The following VPS13A variants were observed in gnomAD, a reference collection of about 807,000 sequenced individuals.
VPS13A encodes vacuolar protein sorting 13 homolog A, also known as intermembrane lipid transfer protein VPS13A.
A neutral mutation model predicts 390.9 loss-of-function variants in VPS13A; 264 were observed. The observed-to-expected ratio is 0.68, with a 90% CI of 0.61 to 0.75. The LOEUF is 0.75. Ranked by LOEUF, VPS13A falls within the 30% of genes least tolerant of loss-of-function variation. The pLI, the probability that VPS13A is intolerant of heterozygous loss-of-function variation, is 0.00. For missense variants in VPS13A, 3,409 were observed against 3,733.9 expected, an observed-to-expected ratio of 0.91 and a Z score of 2.27; for synonymous variants, 1,231 against 1,227.1, an observed-to-expected ratio of 1.00 and a Z score of -0.07.
At chr9:77,264,786 A>C (rs1008405693) in intron 23 of VPS13A, among the ~76,000 whole-genome samples, 1 of 152,034 alleles carries the variant, frequency 6.6e-6, no homozygotes, top group Non-Finnish European at 1.5e-5. Context: ...AATACCCTTT[A>C]TTTCTTTCTC....
intron 39 of VPS13A, 141 bp from the exon 40 acceptor site, chr9:77,317,462 TAAG>T: frequency 1.8e-6 from 1 of 555,990 alleles, no homozygotes. Context: ...ATGGGATAAT[TAAG>T]GAGTGTATTA....
At chr9:77,331,342 T>C (rs989996572) in intron 45 of VPS13A, among the ~76,000 whole-genome samples, 2 of 152,106 alleles carry the variant, frequency 1.3e-5, no homozygotes, top group African/African-American at 4.8e-5. Context: ...CAGTAGTGTA[T>C]GTGAGTTCCT....
At chr9:77,237,183 C>T (rs1174076880) in intron 17 of VPS13A, among the ~76,000 whole-genome samples, 1 of 151,924 alleles carries the variant, frequency 6.6e-6, no homozygotes, top group Non-Finnish European at 1.5e-5. Flanking sequence ...CCACCGAGCC[C>T]AGCCTAGATT....
chr9:77,204,387 T>TA (rs528806023), intron 3 of VPS13A, among the ~76,000 whole-genome samples: 33 of 150,154 alleles, frequency 2.2e-4, no homozygotes, highest in East Asian at 7.8e-4. Context: ...CCCTTACGCT[T>TA]AAAAAAAAAA....
Position 77,316,418 on chromosome 9 carries a change from A to G in VPS13A, c.4863+12A>G, listed in dbSNP as rs771207688. 7.5e-6 allele frequency: 12 copies of G among 1,603,656 alleles called. No individual in the cohort carries two copies. In the South Asian group the frequency reaches 9.9e-5, roughly 13 times the overall value. ...GCAAAATCACTACTGTGAGTTAACT[A>G]TTTGATCATCTGCTTAATTGTAACT... is the stretch of plus-strand genomic sequence containing the variant. On this transcript the variant is annotated intron_variant, in intron 39 of 71. Coordinates refer to ENST00000360280, the MANE Select transcript of VPS13A (RefSeq NM_033305.3).
intron 22 of VPS13A, among the ~76,000 whole-genome samples, chr9:77,259,133 A>T (rs960729895): frequency 6.6e-6 from 1 of 152,166 alleles, no homozygotes; most frequent in Non-Finnish European, 1.5e-5. Flanking sequence ...TATAAAGTGG[A>T]TATGATATGT....
intron 68 of VPS13A, among the ~76,000 whole-genome samples, chr9:77,401,329 T>TTTG (rs1491255249): frequency 2.1e-5 from 3 of 140,432 alleles, no homozygotes; most frequent in African/African-American, 5.3e-5. Flanking sequence ...TCACATGAAG[T>TTTG]TGTGTGTGTG....
At chr9:77,263,327 T>G (rs891499874) in intron 23 of VPS13A, among the ~76,000 whole-genome samples, 1 of 152,070 alleles carries the variant, frequency 6.6e-6, no homozygotes, top group African/African-American at 2.4e-5. Flanking sequence ...CAGGATGGTC[T>G]CAATCTCCTG....
intron 1 of VPS13A, among the ~76,000 whole-genome samples, chr9:77,178,814 G>C (rs959032066): frequency 5.9e-5 from 9 of 152,180 alleles, no homozygotes; most frequent in African/African-American, 2.2e-4. Flanking sequence ...TGTGTGAAGT[G>C]TGTGTGTTTA....
chr9:77,238,352 A>G lies in VPS13A; in HGVS notation c.1866A>G (p.Thr622=). Residue 622 remains threonine, a synonymous_variant, in exon 19 of 72, where the codon ACA becomes ACG. Coordinates refer to ENST00000360280, the MANE Select transcript of VPS13A (RefSeq NM_033305.3). ...HLAQLTAATL[T]KLEEFRSKTA... Reference sequence around the variant, plus strand: ...CACAGCTCACTGCAGCAACTTTGACAAAACTGGAAGAATTTCGCAGTAAGA... The same window carrying G: ...CACAGCTCACTGCAGCAACTTTGACGAAACTGGAAGAATTTCGCAGTAAGA... 1 of 1,614,048 alleles carries G rather than the reference A, an allele frequency of 6.2e-7. No individual in the cohort carries two copies. Among genetic ancestry groups the G allele is most frequent in the Non-Finnish European group, 8.5e-7 (1 of 1,179,962 alleles).
In VPS13A at chr9:77,183,138, TAGG is replaced by T. The variant is rs543701179; in HGVS notation, c.100+5337_100+5339del. The stretch of plus-strand genomic sequence containing the variant: ...TGAAACATTTTATTATAAAAAGTGT[TAGG>T]AGATTTTACAGTGCCTCTCCATATA... On this transcript the variant is annotated intron_variant, in intron 1 of 71. Coordinates refer to ENST00000360280, the MANE Select transcript of VPS13A (RefSeq NM_033305.3). Among the ~76,000 whole-genome samples, 56 of 152,320 alleles carry T rather than the reference TAGG, an allele frequency of 3.7e-4. 2 individuals are homozygous for T. The South Asian group carries it at 0.01, about 28-fold the overall frequency.
intron 13 of VPS13A, among the ~76,000 whole-genome samples, chr9:77,223,094 T>G (rs1021545460): frequency 6.6e-6 from 1 of 152,200 alleles, no homozygotes; most frequent in Non-Finnish European, 1.5e-5. Flanking sequence ...CTTCTGGCTC[T>G]GGAGGCTGCC....
At chr9:77,241,014 T>C (rs1275087214) in intron 19 of VPS13A, among the ~76,000 whole-genome samples, 2 of 152,172 alleles carry the variant, frequency 1.3e-5, no homozygotes, top group African/African-American at 4.8e-5. Context: ...AGATTTGCTT[T>C]ATATATCCTT....
intron 68 of VPS13A, 60 bp downstream of exon 68, chr9:77,382,147 G>A (rs1429494911): frequency 7.0e-7 from 1 of 1,428,276 alleles, no homozygotes; most frequent in African/African-American, 1.4e-5. Flanking sequence ...TTTTTTTTAA[G>A]TAGCCATTTA....
Position 77,340,438 on chromosome 9 carries a change from T to C in VPS13A, c.6914T>C (p.Ile2305Thr), listed in dbSNP as rs376241987. The C allele has an allele frequency of 8.1e-6, 13 of 1,613,428 alleles. No homozygotes were observed. The African/African-American group carries it at 1.6e-4, about 20-fold the overall frequency. ...GVTIDLSSFN[I>T]TRIVTFTPFY... ...ACTATAGACCTGAGCAGTTTTAACATTACTAGAATTGTGACATTTACCCCT... is the reference window on the plus strand; with the variant it reads ...ACTATAGACCTGAGCAGTTTTAACACTACTAGAATTGTGACATTTACCCCT... Residue 2305 changes from isoleucine (I) to threonine (T), a missense_variant, in exon 50 of 72, where the codon ATT becomes ACT. By Grantham distance (89) the Ile-to-Thr change is moderately conservative. This residue lies in a region of VPS13A where 2,717 missense variants were observed against 2,917.4 expected (regional missense o/e 0.93). Transcript: ENST00000360280.
intron 44 of VPS13A, among the ~76,000 whole-genome samples, chr9:77,322,187 T>A (rs1252807405): frequency 1.3e-5 from 2 of 151,436 alleles, no homozygotes; most frequent in African/African-American, 4.9e-5. Context: ...CTTTAGGATT[T>A]ATAAATGGTT....
chr9:77,208,713 C>T (rs1825811050), intron 5 of VPS13A, among the ~76,000 whole-genome samples: 1 of 152,092 alleles, frequency 6.6e-6, no homozygotes, highest in East Asian at 1.9e-4. Flanking sequence ...CCATACCTGC[C>T]TAATTTTTAT....
chr9:77,415,807 T>C (rs1835147334), intron 71 of VPS13A, 149 bp from the exon 72 acceptor site: 2 of 844,246 alleles, frequency 2.4e-6, no homozygotes, highest in Admixed American at 2.1e-5. Context: ...AAGTGAATGA[T>C]CTCTTTTGCA....
chr9:77,279,778 A>G lies in VPS13A; in HGVS notation c.2825-381A>G, dbSNP rs575873651. On this transcript the variant is annotated intron_variant, in intron 26 of 71. Coordinates refer to ENST00000360280, the MANE Select transcript of VPS13A (RefSeq NM_033305.3). Reference sequence around the variant, plus strand: ...TGTCTTCTGAACAGCTGGGTTTTCAAGGACTCTGATGATTTCCTTTTTAGT... The same window carrying G: ...TGTCTTCTGAACAGCTGGGTTTTCAGGGACTCTGATGATTTCCTTTTTAGT... The G allele has an allele frequency of 1.5e-5, 3 of 196,448 alleles. No individual in the cohort carries two copies. In the Admixed American group the frequency reaches 1.6e-4, roughly 11 times the overall value. 12.2% of individuals were successfully genotyped at this position (196,448 alleles called of 1,614,324 possible).
Sources: gnomAD v4.1 joint callset for allele counts (sites outside exome capture counted in the v4.1 genomes callset) on GRCh38, gnomAD v4.1.1 for gene constraint, gnomAD v4.1.1 regional missense constraint, MANE v1.5 for transcripts, NCBI Gene and HGNC (gene_info 2026-07-23, HGNC 2026-07-21) for gene names.